Variants in PTPRT observed in about 807,000 individuals in gnomAD.
PTPRT encodes the protein protein tyrosine phosphatase receptor type T.
PTPRT carries 56 observed loss-of-function variants against 176.8 expected under a neutral mutation model. That is an observed-to-expected ratio of 0.32 (90% CI 0.26 to 0.40). PTPRT has a LOEUF of 0.40. PTPRT is among the 10% of genes least tolerant of loss of function. The pLI is 1.00. For missense variants in PTPRT, 1,540 were observed against 1,908.2 expected (o/e 0.81, Z 3.60); for synonymous variants, 783 against 739.0 (o/e 1.06, Z -0.96).
At chr20:43,020,811 TTG>T (rs1985640445) in intron 1 of PTPRT, among the ~76,000 whole-genome samples, 1 of 152,192 alleles carries the variant, frequency 6.6e-6, no homozygotes, top group Non-Finnish European at 1.5e-5. Context: ...GCTTCATATT[TTG>T]TGTTTTATAA....
intron 1 of PTPRT, among the ~76,000 whole-genome samples, chr20:42,977,819 C>G (rs1263745940): frequency 6.6e-6 from 1 of 152,198 alleles, no homozygotes; most frequent in African/African-American, 2.4e-5. Context: ...AGTTTTCTAT[C>G]TCAATCTTGT....
At chr20:42,981,696 G>A (rs1200042882) in intron 1 of PTPRT, among the ~76,000 whole-genome samples, 1 of 152,138 alleles carries the variant, frequency 6.6e-6, no homozygotes, top group Non-Finnish European at 1.5e-5. Context: ...TAAACAAGCT[G>A]GCCAGAGAAG....
intron 12 of PTPRT, among the ~76,000 whole-genome samples, chr20:42,293,128 T>C (rs1451917077): frequency 1.3e-5 from 2 of 152,208 alleles, no homozygotes; most frequent in African/African-American, 2.4e-5. Flanking sequence ...AGCCATACTC[T>C]AAGAAAGGAA....
At chr20:42,337,704 C>T (rs1397692671) in intron 11 of PTPRT, among the ~76,000 whole-genome samples, 1 of 152,208 alleles carries the variant, frequency 6.6e-6, no homozygotes, top group Non-Finnish European at 1.5e-5. Flanking sequence ...AGAGCCTAAA[C>T]ACTTGCATTT....
At chr20:43,079,172 C>A (rs1296844874) in intron 1 of PTPRT, among the ~76,000 whole-genome samples, 1 of 61,878 alleles carries the variant, frequency 1.6e-5, no homozygotes, top group Non-Finnish European at 2.9e-5. Flanking sequence ...CTCTCTCTCT[C>A]TCCCTCCCCC....
chr20:42,412,725 G>T (rs766968094), intron 9 of PTPRT, among the ~76,000 whole-genome samples: 4 of 152,134 alleles, frequency 2.6e-5, no homozygotes, highest in Admixed American at 6.5e-5. Flanking sequence ...AAGAAGTAAA[G>T]TACTAATACA....
At chr20:42,456,311 A>G (rs2070923376) in intron 8 of PTPRT, among the ~76,000 whole-genome samples, 1 of 152,040 alleles carries the variant, frequency 6.6e-6, no homozygotes, top group Admixed American at 6.6e-5. Context: ...TGGGTTATCT[A>G]TGTAGAGATA....
At chr20:42,598,165 T>G (rs760332085) in intron 7 of PTPRT, among the ~76,000 whole-genome samples, 2 of 152,126 alleles carry the variant, frequency 1.3e-5, no homozygotes, top group African/African-American at 4.8e-5. Context: ...AAAAGGTATT[T>G]AAGTAAAAAG....
intron 7 of PTPRT, among the ~76,000 whole-genome samples, chr20:42,522,523 C>T (rs915966525): frequency 5.9e-5 from 9 of 152,126 alleles, no homozygotes; most frequent in East Asian, 5.8e-4. Flanking sequence ...AGCAGTGGTG[C>T]GAGTTCAGCT....
At chr20:43,028,472 TC>T (rs1048498436) in intron 1 of PTPRT, among the ~76,000 whole-genome samples, 14 of 152,190 alleles carry the variant, frequency 9.2e-5, no homozygotes, top group African/African-American at 3.4e-4. Context: ...TCCTGCACTA[TC>T]CTTACCCCTG....
At position 42,594,428 on chromosome 20, in the gene PTPRT, T is replaced by C. The variant is rs151326599; in HGVS notation, c.1153+83438A>G. Among the ~76,000 whole-genome samples, 348 of 152,336 alleles carry C rather than the reference T, an allele frequency of 2.3e-3. 7 individuals are homozygous for C. Among genetic ancestry groups the C allele is most frequent in the East Asian group, 0.018 (96 of 5,190 alleles). ...CAATATTTACACTTTGTAATGTTCG[T>C]TCTCTTTCTCTCGGGACAGAAAAGA... On this transcript the variant is annotated intron_variant, in intron 7 of 30. Transcript: ENST00000373187.
intron 6 of PTPRT, among the ~76,000 whole-genome samples, chr20:42,741,921 C>A (rs1189757359): frequency 6.6e-6 from 1 of 152,116 alleles, no homozygotes; most frequent in Non-Finnish European, 1.5e-5. Context: ...ATAAAGGCAA[C>A]AGAGCCTGGA....
At chr20:42,552,057 G>A (rs901215777) in intron 7 of PTPRT, among the ~76,000 whole-genome samples, 1 of 152,096 alleles carries the variant, frequency 6.6e-6, no homozygotes, top group Admixed American at 6.6e-5. Flanking sequence ...CTTTTCAACA[G>A]GTGCTGTGTT....
intron 8 of PTPRT, among the ~76,000 whole-genome samples, chr20:42,471,640 G>A (rs943428767): frequency 7.2e-5 from 11 of 151,736 alleles, no homozygotes; most frequent in South Asian, 2.1e-4. Flanking sequence ...CCCAGTCTCC[G>A]GTGTTTTTTT....
At position 42,707,475 on chromosome 20, in the gene PTPRT, G is replaced by A. The variant is rs565561682; in HGVS notation, c.860-29316C>T. Among the ~76,000 whole-genome samples the A allele has an allele frequency of 2.0e-5, 3 of 152,312 alleles. No homozygotes were observed. The South Asian group carries it at 6.2e-4, about 32-fold the overall frequency. On this transcript the variant is annotated intron_variant, in intron 6 of 30. Transcript: ENST00000373187. ...GGAAATTCCTTCTGGCGAAAGAGAT[G>A]TGTGGTGTCAGAACATTTTTATTTG...
At chr20:42,358,249 A>G (rs1341805385) in intron 9 of PTPRT, among the ~76,000 whole-genome samples, 1 of 150,778 alleles carries the variant, frequency 6.6e-6, no homozygotes, top group African/African-American at 2.4e-5. Flanking sequence ...CTGTAAACTT[A>G]TTTCAAAATC....
chr20:42,194,459 T>C (rs6130074), intron 16 of PTPRT, among the ~76,000 whole-genome samples: 48,056 of 152,088 alleles, frequency 0.32, 8,599 homozygotes, highest in East Asian at 0.39. Flanking sequence ...CAAATGCCAT[T>C]ATGGGAAGAG....
At chr20:42,923,388 G>C (rs1979280990) in intron 1 of PTPRT, among the ~76,000 whole-genome samples, 7 of 152,196 alleles carry the variant, frequency 4.6e-5, no homozygotes, top group Admixed American at 4.6e-4. Context: ...CCGTGAATTT[G>C]CAATCTCTAA....
chr20:42,370,465 A>G (rs927035522), intron 9 of PTPRT, among the ~76,000 whole-genome samples: 4 of 152,194 alleles, frequency 2.6e-5, no homozygotes, highest in South Asian at 2.1e-4. Flanking sequence ...TGCTACACTC[A>G]AGAACGGTAG....
Sources: gnomAD v4.1 joint callset for allele counts (sites outside exome capture counted in the v4.1 genomes callset) on GRCh38, gnomAD v4.1.1 for gene constraint, MANE v1.5 for transcripts, NCBI Gene and HGNC (gene_info 2026-07-23, HGNC 2026-07-21) for gene names.